Variants in EPB41 observed in about 807,000 individuals in gnomAD.
The protein encoded by EPB41 is protein 4.1.
In EPB41, 65 loss-of-function variants were observed where a neutral mutation model predicts 108.0. That is an observed-to-expected ratio of 0.60 (90% confidence interval 0.49 to 0.74). The LOEUF is 0.74. Among genes scored for constraint, EPB41 ranks in the 30% least tolerant of loss-of-function variants. The pLI is 0.00. For synonymous variants in EPB41, 336 were observed against 358.9 expected, an observed-to-expected ratio of 0.94 and a Z score of 0.72; for missense variants, 875 against 1,037.0, an observed-to-expected ratio of 0.84 and a Z score of 2.15.
At chr1:28,981,867 TTTA>T (rs2095755638) in intron 1 of EPB41, among the ~76,000 whole-genome samples, 1 of 151,040 alleles carries the variant, frequency 6.6e-6, no homozygotes, top group African/African-American at 2.4e-5. Context: ...AATTTTTATT[TTTA>T]TTATTTTTAT....
rs981043937 is a variant in EPB41 at position 29,035,872 on chromosome 1, G to A, written c.1412G>A (p.Arg471Gln). ...ATCGGATTCAAACTTCCCAGTTACCGAGCAGCTAAGAAATTATGGAAAGTC... is the reference window on the plus strand; with the variant it reads ...ATCGGATTCAAACTTCCCAGTTACCAAGCAGCTAAGAAATTATGGAAAGTC... ...STIGFKLPSY[R>Q]AAKKLWKVCV... The change falls in exon 10 of 21, where the codon CGA becomes CAA. Residue 471 changes from arginine to glutamine, a missense_variant. This residue lies in a region of EPB41 where 519 missense variants were observed against 627.3 expected (regional missense o/e 0.83). Transcript: ENST00000343067. The A allele has an allele frequency of 1.9e-5, 30 of 1,613,950 alleles. No homozygotes were observed. The highest frequency in any genetic ancestry group is 2.4e-5 in the Non-Finnish European group (28 of 1,179,968).
chr1:29,043,515 G>A (rs117854089), intron 11 of EPB41, among the ~76,000 whole-genome samples: 1 of 152,334 alleles, frequency 6.6e-6, no homozygotes, highest in East Asian at 1.9e-4. Context: ...ATGTGCCTGA[G>A]GAACGGAATT....
In EPB41 at chr1:29,033,243, G is replaced by C; in HGVS notation, c.1363G>C (p.Glu455Gln). The C allele has an allele frequency of 6.2e-7, 1 of 1,613,826 alleles. No individual in the cohort carries two copies. The highest frequency in any genetic ancestry group is 8.5e-7 in the Non-Finnish European group (1 of 1,179,880). The part of the protein sequence containing the change: ...SSFFIKIRPG[E>Q]QEQYESTIGF... ...CTTTTTCATCAAGATTCGGCCTGGA[G>C]AGGTACAGAATTTATATTTCCTTCC... Residue 455 changes from glutamate (E) to glutamine (Q), a missense_variant and splice_region_variant, in exon 9 of 21, where the codon GAG becomes CAG. This residue lies in a region of EPB41 where 519 missense variants were observed against 627.3 expected (regional missense o/e 0.83). Transcript: ENST00000343067.
At chr1:29,019,736 G>T (rs1223520420) in intron 7 of EPB41, among the ~76,000 whole-genome samples, 1 of 152,128 alleles carries the variant, frequency 6.6e-6, no homozygotes, top group Non-Finnish European at 1.5e-5. Flanking sequence ...GTTGGAATAG[G>T]ATTGCATGGA....
chr1:29,088,754 G>T (rs1660158218), intron 16 of EPB41, among the ~76,000 whole-genome samples: 1 of 152,088 alleles, frequency 6.6e-6, no homozygotes, highest in Non-Finnish European at 1.5e-5. Flanking sequence ...AGGAGTTTGG[G>T]CGCTGTTTGT....
Position 29,119,805 on chromosome 1 carries a change from G to T in EPB41, c.*2993G>T, listed in dbSNP as rs1395503619. 1 of 113,648 alleles carries T rather than the reference G, an allele frequency of 8.8e-6. No homozygotes were observed. Among genetic ancestry groups the T allele is most frequent in the Non-Finnish European group, 1.9e-5 (1 of 51,858 alleles). 7.0% of individuals were successfully genotyped at this position (113,648 alleles called of 1,614,324 possible). A position where few individuals can be genotyped will look rare whatever the true frequency, so the allele number is the denominator to read the frequency against. On this transcript the variant is annotated 3_prime_UTR_variant, in exon 21 of 21. Coordinates refer to ENST00000343067, the MANE Select transcript of EPB41 (RefSeq NM_001376013.1). ...AATGTATTATTTTGGTGACAAAAAT[G>T]AAGGAGCTTTGTAAATTTTTTTTAA...
intron 1 of EPB41, among the ~76,000 whole-genome samples, chr1:28,903,948 C>A (rs903430627): frequency 3.3e-5 from 5 of 151,876 alleles, no homozygotes; most frequent in Non-Finnish European, 5.9e-5. Context: ...CTCACTGCAA[C>A]CTCCACCTCC....
intron 5 of EPB41, among the ~76,000 whole-genome samples, chr1:29,014,227 G>A (rs900960372): frequency 6.6e-6 from 1 of 152,074 alleles, no homozygotes; most frequent in South Asian, 2.1e-4. Flanking sequence ...TGAGGCAGGA[G>A]AATTGTTTGA....
chr1:28,983,688 C>A (rs1332591183), intron 1 of EPB41, among the ~76,000 whole-genome samples: 2 of 152,168 alleles, frequency 1.3e-5, no homozygotes, highest in African/African-American at 4.8e-5. Flanking sequence ...GTACTCAAGG[C>A]CACGCGGGCC....
At chr1:28,990,525 A>G (rs912461157) in intron 2 of EPB41, among the ~76,000 whole-genome samples, 1 of 151,742 alleles carries the variant, frequency 6.6e-6, no homozygotes, top group East Asian at 1.9e-4. Flanking sequence ...GGCTCAAGCT[A>G]TCCTCCCATC....
At chr1:28,981,857 A>C (rs984021160) in intron 1 of EPB41, among the ~76,000 whole-genome samples, 1 of 149,210 alleles carries the variant, frequency 6.7e-6, no homozygotes, top group African/African-American at 2.5e-5. Flanking sequence ...TTTTCTTTTT[A>C]ATTTTTATTT....
At chr1:28,903,307 A>G (rs1381535065) in intron 1 of EPB41, among the ~76,000 whole-genome samples, 1 of 144,298 alleles carries the variant, frequency 6.9e-6, no homozygotes. Flanking sequence ...CTGAGACTCT[A>G]TTTCTTTTTC....
chr1:28,956,792 G>T, intron 1 of EPB41, among the ~76,000 whole-genome samples: 1 of 152,160 alleles, frequency 6.6e-6, no homozygotes, highest in African/African-American at 2.4e-5. Flanking sequence ...TTCAAATACA[G>T]ATAAACCTTA....
At chr1:29,011,983 T>C in intron 5 of EPB41, 76 bp downstream of exon 5, 3 of 1,517,252 alleles carry the variant, frequency 2.0e-6, no homozygotes, top group Non-Finnish European at 2.7e-6. Flanking sequence ...TTTCTGGCTG[T>C]GAGTCAGTCA....
At chr1:28,994,228 G>A (rs2096102244) in intron 3 of EPB41, among the ~76,000 whole-genome samples, 1 of 152,156 alleles carries the variant, frequency 6.6e-6, no homozygotes, top group East Asian at 1.9e-4. Flanking sequence ...CTGGAGTGCA[G>A]TGGTACAATC....
At chr1:29,030,553 G>A (rs2096775429) in intron 8 of EPB41, 66 bp downstream of exon 8, 1 of 1,152,344 alleles carries the variant, frequency 8.7e-7, no homozygotes, top group Non-Finnish European at 1.3e-6. Context: ...TGTCTGTTAT[G>A]TATGTATCAC....
chr1:29,054,460 C>T (rs1355976033), intron 12 of EPB41: 5 of 149,982 alleles, frequency 3.3e-5, no homozygotes, highest in Non-Finnish European at 7.4e-5. Context: ...ATGGATTAAC[C>T]TTGTTCTTTT....
chr1:28,978,182 T>C (rs1394905274), intron 1 of EPB41, among the ~76,000 whole-genome samples: 2 of 151,638 alleles, frequency 1.3e-5, no homozygotes, highest in Non-Finnish European at 1.5e-5. Flanking sequence ...TTTATTCTTA[T>C]GTTCGGCTTG....
intron 1 of EPB41, among the ~76,000 whole-genome samples, chr1:28,974,302 T>C (rs1427021458): frequency 1.3e-5 from 2 of 152,220 alleles, no homozygotes; most frequent in Admixed American, 6.5e-5. Flanking sequence ...ATAGGAATGC[T>C]CTGGTCACTA....
Sources: allele counts gnomAD v4.1 joint callset (sites outside exome capture counted in the v4.1 genomes callset), GRCh38; gene constraint gnomAD v4.1.1; regional missense constraint gnomAD v4.1.1; transcripts MANE v1.5; gene names NCBI Gene and HGNC (gene_info 2026-07-23, HGNC 2026-07-21).